Variants in MMP11 observed in about 807,000 individuals in gnomAD.
MMP11 encodes stromelysin-3.
In MMP11, 26 loss-of-function variants were observed where a neutral mutation model predicts 49.5. The ratio of observed to expected loss-of-function variants is 0.52; its 90% CI spans 0.38 to 0.73. The LOEUF is 0.73. Among genes scored for constraint, MMP11 ranks in the 30% least tolerant of loss-of-function variants. The pLI is 0.00. For missense variants in MMP11, 624 were observed against 671.2 expected (o/e 0.93, Z 0.78); for synonymous variants, 265 against 282.3 (o/e 0.94, Z 0.62).
At position 23,781,175 on chromosome 22, in the gene MMP11, C is replaced by T. The variant is rs368143374; in HGVS notation, c.859-18C>T. Reference sequence around the variant, plus strand: ...TGCAGCATATGCCCTCAGCATGTGTCCCTCTCTCCCACCCCAGCCAGACGC... The same window carrying T: ...TGCAGCATATGCCCTCAGCATGTGTTCCTCTCTCCCACCCCAGCCAGACGC... On this transcript the variant is annotated intron_variant, in intron 5 of 7. Coordinates refer to ENST00000215743, the MANE Select transcript of MMP11 (RefSeq NM_005940.5). The T allele has an allele frequency of 3.7e-6, 6 of 1,610,380 alleles. No individual in the cohort carries two copies. The highest frequency in any genetic ancestry group is 3.3e-5 in the Admixed American group (2 of 60,026).
At chr22:23,775,367 G>C (rs1047295325) in intron 1 of MMP11, among the ~76,000 whole-genome samples, 2 of 152,218 alleles carry the variant, frequency 1.3e-5, no homozygotes, top group African/African-American at 4.8e-5. Flanking sequence ...AGAGTCCTGG[G>C]AAGGCCAAGC....
In MMP11 at chr22:23,781,214, T is replaced by C. The variant is rs757190694; in HGVS notation, c.880T>C (p.Cys294Arg). The change falls in exon 6 of 8, where the codon TGT becomes CGT. Residue 294 changes from cysteine (C) to arginine (R), a missense_variant. Transcript: ENST00000215743. ...CCAGCCAGACGCCCCGCCAGATGCC[T>C]GTGAGGCCTCCTTTGACGCGGTCTC... ...PLEPDAPPDA[C>R]EASFDAVSTI... is the part of the protein sequence containing the mutation. The C allele has an allele frequency of 1.9e-6, 3 of 1,611,664 alleles. No individual in the cohort carries two copies. The highest frequency in any genetic ancestry group is 2.5e-6 in the Non-Finnish European group (3 of 1,180,008).
At chr22:23,779,772 C>T in intron 2 of MMP11, 1 of 356,806 alleles carries the variant, frequency 2.8e-6, no homozygotes. Context: ...CAGCCCCATC[C>T]TCTGTGTCAG....
At chr22:23,777,565 TCAAA>T (rs1927454934) in intron 1 of MMP11, 1 of 36,360 alleles carries the variant, frequency 2.8e-5, no homozygotes, top group African/African-American at 7.9e-5. Context: ...AGACTCTCTC[TCAAA>T]AAAAAAAAAA....
rs148430481 is a variant in MMP11 at position 23,779,305 on chromosome 22, G to A, written c.227G>A (p.Arg76Lys). 1.2e-5 allele frequency: 19 copies of A among 1,612,008 alleles called. No individual in the cohort carries two copies. The African/African-American group carries it at 2.5e-4, about 22-fold the overall frequency. Residue 76 changes from arginine (R) to lysine (K), a missense_variant, in exon 2 of 8, where the codon AGG becomes AAG. By Grantham distance (26) the Arg-to-Lys change is conservative. Coordinates refer to ENST00000215743, the MANE Select transcript of MMP11 (RefSeq NM_005940.5). The part of the protein sequence containing the change: ...QEAPRPASSL[R>K]PPRCGVPDPS... ...GCCCCCCGGCCTGCCAGCAGCCTCA[G>A]GCCTCCCCGCTGTGGCGTGCCCGAC...
rs1428892158 is a variant in MMP11 at position 23,780,330 on chromosome 22, G to A, written c.339-29G>A. ...AGCCATCGGGGGCTGTCCCTTCCCT[G>A]AGGCCCAGGCCCCTCCATCTCCCTC... is the stretch of plus-strand genomic sequence containing the variant. On this transcript the variant is annotated intron_variant, in intron 2 of 7. Transcript: ENST00000215743. This position sits in a 1 kb window ranked among gnomAD's most constrained non-coding sequence, Gnocchi z 4.6. The A allele has an allele frequency of 6.2e-7, 1 of 1,611,978 alleles. No individual in the cohort carries two copies. Among genetic ancestry groups the A allele is most frequent in the Non-Finnish European group, 8.5e-7 (1 of 1,179,964 alleles).
At position 23,782,217 on chromosome 22, in the gene MMP11, C is replaced by T. The variant is rs768429586; in HGVS notation, c.1076-9C>T. Reference sequence around the variant, plus strand: ...TGGGCAGGTCCTTGCAGCCTTCCCTCTCCGGCAGGTGCTCAGTACTGGGTG... The same window carrying T: ...TGGGCAGGTCCTTGCAGCCTTCCCTTTCCGGCAGGTGCTCAGTACTGGGTG... On this transcript the variant is annotated splice_polypyrimidine_tract_variant and intron_variant, in intron 6 of 7. Coordinates refer to ENST00000215743, the MANE Select transcript of MMP11 (RefSeq NM_005940.5). 6.2e-6 allele frequency: 10 copies of T among 1,606,900 alleles called. No individual in the cohort carries two copies. Among genetic ancestry groups the T allele is most frequent in the African/African-American group, 5.4e-5 (4 of 74,718 alleles).
chr22:23,781,315 C>T lies in MMP11; in HGVS notation c.981C>T (p.Gly327=). Reference sequence around the variant, plus strand: ...TCCGTGGGGGCCAGCTGCAGCCCGGCTACCCAGCATTGGCCTCTCGCCACT... The same window carrying T: ...TCCGTGGGGGCCAGCTGCAGCCCGGTTACCCAGCATTGGCCTCTCGCCACT... ...WRLRGGQLQP[G]YPALASRHWQ... is the part of the protein sequence containing the mutation. Residue 327 remains glycine (G), a synonymous_variant, in exon 6 of 8, where the codon GGC becomes GGT. Coordinates refer to ENST00000215743, the MANE Select transcript of MMP11 (RefSeq NM_005940.5). 1 of 1,613,244 alleles carries T rather than the reference C, an allele frequency of 6.2e-7. No homozygotes were observed.
chr22:23,781,404 T>A lies in MMP11; in HGVS notation c.1070T>A (p.Phe357Tyr). The A allele has an allele frequency of 6.3e-7, 1 of 1,599,680 alleles. No individual in the cohort carries two copies. Among genetic ancestry groups the A allele is most frequent in the Non-Finnish European group, 8.5e-7 (1 of 1,172,926 alleles). Residue 357 changes from phenylalanine (F) to tyrosine (Y), a missense_variant, in exon 6 of 8, where the codon TTC (phenylalanine) becomes TAC (tyrosine). By Grantham distance (22) the Phe-to-Tyr change is conservative (BLOSUM62 3). Transcript: ENST00000215743. Reference sequence around the variant, plus strand: ...GATGCCCAGGGCCACATTTGGTTCTTCCAAGGTGAGTGGGGGTTGGGGATC... The same window carrying A: ...GATGCCCAGGGCCACATTTGGTTCTACCAAGGTGAGTGGGGGTTGGGGATC... ...FEDAQGHIWF[F>Y]QGAQYWVYDG...
In MMP11 at chr22:23,773,810, G is replaced by A. The variant is rs1007078378; in HGVS notation, c.108+832G>A. Among the ~76,000 whole-genome samples, 12 of 152,314 alleles carry A rather than the reference G, an allele frequency of 7.9e-5. No individual in the cohort carries two copies. In the South Asian group the frequency reaches 2.3e-3, roughly 29 times the overall value. On this transcript the variant is annotated intron_variant, in intron 1 of 7. Transcript: ENST00000215743. ...TGGGCCACTCCACTCCACAGCGGAGGCATCCAGACAGCTCGGGCAGGGAAG... is the reference window on the plus strand; with the variant it reads ...TGGGCCACTCCACTCCACAGCGGAGACATCCAGACAGCTCGGGCAGGGAAG...
At position 23,777,102 on chromosome 22, in the gene MMP11, C is replaced by T. The variant is rs1321604303; in HGVS notation, c.109-2085C>T. On this transcript the variant is annotated intron_variant, in intron 1 of 7. Coordinates refer to ENST00000215743, the MANE Select transcript of MMP11 (RefSeq NM_005940.5). ...GATTACAGGCGTGAGCCACCAGGCC[C>T]GGCCAACCAGTGCTAAGTACTTATT... Among the ~76,000 whole-genome samples the T allele has an allele frequency of 2.7e-5, 4 of 147,160 alleles. No homozygotes were observed. The East Asian group carries it at 6.4e-4, about 24-fold the overall frequency.
intron 6 of MMP11, 31 bp downstream of exon 6, chr22:23,781,440 A>G: frequency 6.5e-7 from 1 of 1,547,282 alleles, no homozygotes; most frequent in Non-Finnish European, 8.8e-7. Flanking sequence ...TGCTCGAGAG[A>G]CTTCCCAGAG....
At chr22:23,783,356 G>C in intron 7 of MMP11, 55 bp from the exon 8 acceptor site, 1 of 1,601,944 alleles carries the variant, frequency 6.2e-7, no homozygotes, top group South Asian at 1.1e-5. Flanking sequence ...AGCCTGACAG[G>C]CAGGAGTAGG....
Position 23,780,963 on chromosome 22 carries a change from T to C in MMP11, c.721T>C (p.Tyr241His), listed in dbSNP as rs1375334799. The C allele has an allele frequency of 6.2e-7, 1 of 1,613,702 alleles. No individual in the cohort carries two copies. Among genetic ancestry groups the C allele is most frequent in the Non-Finnish European group, 8.5e-7 (1 of 1,180,006 alleles). The part of the protein sequence containing the change: ...ALMSAFYTFR[Y>H]PLSLSPDDCR... Reference sequence around the variant, plus strand: ...GATGTCCGCCTTCTACACCTTTCGCTACCCACTGAGTCTCAGCCCAGATGA... The same window carrying C: ...GATGTCCGCCTTCTACACCTTTCGCCACCCACTGAGTCTCAGCCCAGATGA... Residue 241 changes from tyrosine to histidine, a missense_variant, in exon 5 of 8, where the codon TAC becomes CAC. Transcript: ENST00000215743. The surrounding 1 kb of genome is among the most constrained non-coding windows in gnomAD (Gnocchi z 4.6).
chr22:23,774,520 G>T (rs982214610), intron 1 of MMP11, among the ~76,000 whole-genome samples: 1 of 152,156 alleles, frequency 6.6e-6, no homozygotes, highest in Non-Finnish European at 1.5e-5. Flanking sequence ...GCAGTCCGAT[G>T]GATGGGACGA....
chr22:23,775,133 A>C (rs1228831892), intron 1 of MMP11, among the ~76,000 whole-genome samples: 2 of 152,168 alleles, frequency 1.3e-5, no homozygotes, highest in African/African-American at 4.8e-5. Flanking sequence ...AAAAGCCAAG[A>C]GCTGGGGAGA....
In MMP11 at chr22:23,772,988, C is replaced by A. The variant is rs1324162576; in HGVS notation, c.108+10C>A. 8.4e-7 allele frequency: 1 copy of A among 1,184,276 alleles called. No individual in the cohort carries two copies. 73.4% of individuals were successfully genotyped at this position (1,184,276 alleles called of 1,614,324 possible). ...CCGGGCTCTGCCGCCGGTGAGTGCCCGCCACTCGCCGGCCGCTCCTCGCTG... is the reference window on the plus strand; with the variant it reads ...CCGGGCTCTGCCGCCGGTGAGTGCCAGCCACTCGCCGGCCGCTCCTCGCTG... On this transcript the variant is annotated intron_variant, in intron 1 of 7. Transcript: ENST00000215743.
In MMP11 at chr22:23,780,733, A is replaced by G. The variant is rs1601373702; in HGVS notation, c.616+18A>G. 5 of 1,546,208 alleles carry G rather than the reference A, an allele frequency of 3.2e-6. No homozygotes were observed. The highest frequency in any genetic ancestry group is 4.4e-6 in the Non-Finnish European group (5 of 1,149,128). On this transcript the variant is annotated intron_variant, in intron 4 of 7. Coordinates refer to ENST00000215743, the MANE Select transcript of MMP11 (RefSeq NM_005940.5). The surrounding 1 kb of genome is among the most constrained non-coding windows in gnomAD (Gnocchi z 4.6). ...TGACCAGGGTATGGGCTGGGGACCCATTTTCCAGATGGGGCAACCGAAGAT... is the reference window on the plus strand; with the variant it reads ...TGACCAGGGTATGGGCTGGGGACCCGTTTTCCAGATGGGGCAACCGAAGAT...
chr22:23,781,156 A>G (rs1380766347), intron 5 of MMP11, 37 bp from the exon 6 acceptor site: 4 of 1,608,970 alleles, frequency 2.5e-6, no homozygotes, highest in Non-Finnish European at 2.5e-6. Context: ...TGACTGCAGC[A>G]TATGCCCTCA....
Sources: allele counts gnomAD v4.1 joint callset (sites outside exome capture counted in the v4.1 genomes callset), GRCh38; gene constraint gnomAD v4.1.1; non-coding constraint Gnocchi (gnomAD v3.1); transcripts MANE v1.5; gene names NCBI Gene and HGNC (gene_info 2026-07-23, HGNC 2026-07-21).